The following CSMD3 variants were observed in gnomAD, a reference collection of about 807,000 sequenced individuals.
CSMD3 encodes the protein CUB and sushi domain-containing protein 3.
A neutral mutation model predicts 435.2 loss-of-function variants in CSMD3; 177 were observed. The observed-to-expected ratio is 0.41, with a 90% confidence interval of 0.36 to 0.46. The LOEUF is 0.46. Ranked by LOEUF, CSMD3 falls within the 20% of genes least tolerant of loss-of-function variation. CSMD3 has a pLI of 0.34. For missense variants in CSMD3, 4,265 were observed against 4,504.6 expected (o/e 0.95, Z 1.52); for synonymous variants, 1,656 against 1,520.5 (o/e 1.09, Z -2.07).
At chr8:113,200,353 T>G (rs182641453) in intron 3 of CSMD3, among the ~76,000 whole-genome samples, 8 of 151,996 alleles carry the variant, frequency 5.3e-5, no homozygotes, top group African/African-American at 1.4e-4. Flanking sequence ...CTACTTGGAA[T>G]ACCTATTTCC....
chr8:112,259,131 GAC>G (rs1483157792), intron 61 of CSMD3, among the ~76,000 whole-genome samples: 1 of 151,990 alleles, frequency 6.6e-6, no homozygotes, highest in Non-Finnish European at 1.5e-5. Context: ...CTACTATAAA[GAC>G]ACAGGCAGAC....
chr8:113,108,111 G>A (rs2090535174), intron 4 of CSMD3, among the ~76,000 whole-genome samples: 1 of 152,010 alleles, frequency 6.6e-6, no homozygotes, highest in Admixed American at 6.6e-5. Context: ...AAAACAATGG[G>A]GTGAGTTGCT....
chr8:112,425,459 C>A (rs549124014), intron 32 of CSMD3, among the ~76,000 whole-genome samples: 1 of 152,118 alleles, frequency 6.6e-6, no homozygotes, highest in Non-Finnish European at 1.5e-5. Context: ...GCTGTACTCA[C>A]TTATCTGTGA....
chr8:113,407,769 A>G (rs1018094546), intron 1 of CSMD3, among the ~76,000 whole-genome samples: 2 of 152,158 alleles, frequency 1.3e-5, no homozygotes, highest in Admixed American at 1.3e-4. Context: ...GTTTATGCTC[A>G]AAAGATGCTT....
chr8:113,405,394 G>A (rs1002263185), intron 1 of CSMD3, among the ~76,000 whole-genome samples: 2 of 151,522 alleles, frequency 1.3e-5, no homozygotes, highest in African/African-American at 4.8e-5. Flanking sequence ...GAATCATAAT[G>A]TCTATCAGCC....
intron 4 of CSMD3, among the ~76,000 whole-genome samples, chr8:113,105,014 A>T (rs2090432782): frequency 1.3e-5 from 2 of 152,156 alleles, no homozygotes; most frequent in Non-Finnish European, 2.9e-5. Flanking sequence ...GTTTTTAAAC[A>T]TACAGCTTAA....
intron 52 of CSMD3, among the ~76,000 whole-genome samples, chr8:112,303,622 AT>A (rs1170048823): frequency 5.3e-5 from 8 of 152,110 alleles, no homozygotes; most frequent in African/African-American, 1.9e-4. Flanking sequence ...TTTTTACAAT[AT>A]TAAATATAAT....
intron 69 of CSMD3, among the ~76,000 whole-genome samples, chr8:112,230,722 G>A (rs931021239): frequency 6.6e-6 from 1 of 151,988 alleles, no homozygotes; most frequent in Non-Finnish European, 1.5e-5. Context: ...TGAGACAGGA[G>A]AATCCCTTGA....
At chr8:113,322,207 A>T (rs558821688) in intron 1 of CSMD3, among the ~76,000 whole-genome samples, 58 of 152,178 alleles carry the variant, frequency 3.8e-4, no homozygotes, top group African/African-American at 1.4e-3. Context: ...GATTTGTGTA[A>T]TTTTCTAAAC....
At chr8:112,305,417 AT>A (rs1180987698) in intron 51 of CSMD3, among the ~76,000 whole-genome samples, 4 of 152,106 alleles carry the variant, frequency 2.6e-5, no homozygotes, top group African/African-American at 9.7e-5. Flanking sequence ...ATGGGAAAAA[AT>A]AATCGAAATA....
chr8:112,408,313 C>T lies in CSMD3; in HGVS notation c.5605+5G>A, dbSNP rs545904811. ...AGTGTGTTTCTAGACTACAGGGTCA[C>T]TTACCTTGGTAAACAAAGTGAAATC... is the stretch of plus-strand genomic sequence containing the variant. On this transcript the variant is annotated splice_donor_5th_base_variant and intron_variant, in intron 34 of 70. Coordinates refer to ENST00000297405, the MANE Select transcript of CSMD3 (RefSeq NM_198123.2). 1 of 1,564,808 alleles carries T rather than the reference C, an allele frequency of 6.4e-7. No homozygotes were observed. Among genetic ancestry groups the T allele is most frequent in the Non-Finnish European group, 8.8e-7 (1 of 1,135,516 alleles).
chr8:113,212,647 CA>C (rs1190705637), intron 3 of CSMD3, among the ~76,000 whole-genome samples: 16 of 151,708 alleles, frequency 1.1e-4, no homozygotes, highest in Admixed American at 1.1e-3. Flanking sequence ...GACAAAAAAC[CA>C]AACACCGCAT....
At chr8:113,046,910 G>A (rs2087861420) in intron 5 of CSMD3, among the ~76,000 whole-genome samples, 1 of 152,190 alleles carries the variant, frequency 6.6e-6, no homozygotes, top group Non-Finnish European at 1.5e-5. Context: ...TGCTAAGCAG[G>A]TCCTGGGAGA....
intron 1 of CSMD3, among the ~76,000 whole-genome samples, chr8:113,397,584 G>A (rs1345257400): frequency 6.6e-6 from 1 of 151,976 alleles, no homozygotes; most frequent in African/African-American, 2.4e-5. Context: ...TTGGGAGGCC[G>A]AGGCGGGGGA....
At chr8:112,277,035 C>G (rs1267433679) in intron 59 of CSMD3, among the ~76,000 whole-genome samples, 3 of 152,086 alleles carry the variant, frequency 2.0e-5, no homozygotes, top group African/African-American at 7.2e-5. Flanking sequence ...CTCTCTTGTG[C>G]TCTGGAGACA....
intron 3 of CSMD3, among the ~76,000 whole-genome samples, chr8:113,267,649 A>G (rs892741194): frequency 4.0e-5 from 6 of 151,594 alleles, no homozygotes; most frequent in African/African-American, 1.5e-4. Flanking sequence ...TACAAACTTA[A>G]GTTAGATAGA....
chr8:112,559,032 T>A (rs1316628013), intron 24 of CSMD3, among the ~76,000 whole-genome samples: 1 of 151,876 alleles, frequency 6.6e-6, no homozygotes, highest in Non-Finnish European at 1.5e-5. Context: ...CCACGTGTTG[T>A]CATTCTGAGA....
intron 1 of CSMD3, among the ~76,000 whole-genome samples, chr8:113,329,120 G>A (rs530959584): frequency 8.6e-5 from 13 of 151,514 alleles, no homozygotes; most frequent in African/African-American, 2.9e-4. Context: ...AAAATAAGTG[G>A]TTAGAAACTA....
chr8:112,542,912 A>G (rs890478668), intron 27 of CSMD3, among the ~76,000 whole-genome samples: 1 of 152,168 alleles, frequency 6.6e-6, no homozygotes, highest in African/African-American at 2.4e-5. Flanking sequence ...AAATAAATCT[A>G]TGAAACGGTA....
Sources: gnomAD v4.1 joint callset for allele counts (sites outside exome capture counted in the v4.1 genomes callset) on GRCh38, gnomAD v4.1.1 for gene constraint, MANE v1.5 for transcripts, NCBI Gene and HGNC (gene_info 2026-07-23, HGNC 2026-07-21) for gene names.